The following CLSTN2 variants were observed in gnomAD, a reference collection of about 807,000 sequenced individuals.
CLSTN2 encodes the protein calsyntenin-2.
Under a neutral mutation model 101.2 loss-of-function variants are expected in CLSTN2, and 48 were observed. The observed-to-expected ratio is 0.47, with a 90% CI of 0.38 to 0.60. The LOEUF (loss-of-function observed/expected upper bound fraction) is 0.60, where lower values mean the gene tolerates loss of function less well. Ranked by LOEUF, CLSTN2 falls within the 20% of genes least tolerant of loss-of-function variation. The probability of loss-of-function intolerance (pLI) is 0.00; values close to 1 mark genes in which losing one functional copy is unlikely to be tolerated. For missense variants in CLSTN2, 1,160 were observed against 1,238.2 expected (o/e 0.94, Z 0.95); for synonymous variants, 481 against 463.6 (o/e 1.04, Z -0.48).
At chr3:139,941,623 G>A (rs1212828028) in intron 1 of CLSTN2, among the ~76,000 whole-genome samples, 1 of 152,164 alleles carries the variant, frequency 6.6e-6, no homozygotes, top group Non-Finnish European at 1.5e-5. Flanking sequence ...GGCAACAATA[G>A]AGGTCAGGAA....
intron 8 of CLSTN2, among the ~76,000 whole-genome samples, chr3:140,487,618 A>G (rs1267358575): frequency 6.6e-6 from 1 of 152,214 alleles, no homozygotes; most frequent in African/African-American, 2.4e-5. Context: ...GTAATTTCTT[A>G]TGTGTTCATG....
chr3:140,064,439 G>A (rs1354336552), intron 1 of CLSTN2, among the ~76,000 whole-genome samples: 3 of 152,126 alleles, frequency 2.0e-5, no homozygotes, highest in African/African-American at 7.2e-5. Flanking sequence ...TTTAGCACTT[G>A]TAATTAAAAT....
chr3:140,228,346 AG>A (rs2086341313), intron 2 of CLSTN2, among the ~76,000 whole-genome samples: 2 of 152,206 alleles, frequency 1.3e-5, no homozygotes, highest in Admixed American at 1.3e-4. Context: ...CCTTTGCTCT[AG>A]TTCCCTAAAA....
chr3:140,068,292 A>G (rs1354812984), intron 1 of CLSTN2, among the ~76,000 whole-genome samples: 1 of 152,232 alleles, frequency 6.6e-6, no homozygotes, highest in African/African-American at 2.4e-5. Flanking sequence ...CCACAAATCT[A>G]GACAATTCAT....
chr3:140,107,012 A>T (rs2009070393), intron 1 of CLSTN2, among the ~76,000 whole-genome samples: 1 of 152,210 alleles, frequency 6.6e-6, no homozygotes, highest in Non-Finnish European at 1.5e-5. Flanking sequence ...ATGCAATTTC[A>T]CTACTGTCTG....
At chr3:140,542,413 G>T (rs894005191) in intron 9 of CLSTN2, among the ~76,000 whole-genome samples, 2 of 152,130 alleles carry the variant, frequency 1.3e-5, no homozygotes, top group Non-Finnish European at 2.9e-5. Flanking sequence ...AAACATTTAA[G>T]GAAGATTCTT....
intron 1 of CLSTN2, among the ~76,000 whole-genome samples, chr3:140,163,127 C>T (rs1559794789): frequency 6.6e-6 from 1 of 152,134 alleles, no homozygotes; most frequent in Non-Finnish European, 1.5e-5. Context: ...GTTATTTAAT[C>T]AAACACTAGT....
At chr3:140,259,956 C>T (rs1011330508) in intron 2 of CLSTN2, among the ~76,000 whole-genome samples, 4 of 151,550 alleles carry the variant, frequency 2.6e-5, no homozygotes, top group Admixed American at 6.6e-5. Flanking sequence ...CAGTAGACAC[C>T]AGGAGCCTAC....
chr3:140,300,573 G>A (rs1193544591), intron 2 of CLSTN2, among the ~76,000 whole-genome samples: 1 of 152,084 alleles, frequency 6.6e-6, no homozygotes, highest in Admixed American at 6.5e-5. Flanking sequence ...TGGGGTCAGG[G>A]GCTCTGAGGT....
At chr3:140,365,158 G>A (rs1379010891) in intron 2 of CLSTN2, among the ~76,000 whole-genome samples, 1 of 152,138 alleles carries the variant, frequency 6.6e-6, no homozygotes, top group Non-Finnish European at 1.5e-5. Context: ...GCAAGGACTA[G>A]GCTAGGGAGA....
At chr3:140,138,960 T>C (rs984338082) in intron 1 of CLSTN2, among the ~76,000 whole-genome samples, 1 of 152,228 alleles carries the variant, frequency 6.6e-6, no homozygotes, top group Admixed American at 6.5e-5. Context: ...AAGATCCAGG[T>C]CCAACTCCAG....
intron 2 of CLSTN2, among the ~76,000 whole-genome samples, chr3:140,351,154 T>A (rs2087601346): frequency 6.6e-6 from 1 of 152,162 alleles, no homozygotes; most frequent in Non-Finnish European, 1.5e-5. Context: ...TTAAAGTGGA[T>A]GCAAGAGCTT....
intron 2 of CLSTN2, among the ~76,000 whole-genome samples, chr3:140,339,794 G>A (rs2087474507): frequency 1.3e-5 from 2 of 152,334 alleles, no homozygotes; most frequent in Admixed American, 1.3e-4. Context: ...TATAGTGGCC[G>A]AACTGTGCTT....
intron 1 of CLSTN2, among the ~76,000 whole-genome samples, chr3:139,972,211 C>G (rs547333528): frequency 1.0e-3 from 154 of 152,124 alleles, no homozygotes; most frequent in African/African-American, 3.5e-3. Context: ...TTGCAGTGAG[C>G]CAAGATCGCA....
chr3:140,348,606 C>A lies in CLSTN2; in HGVS notation c.233-55023C>A, dbSNP rs1042731293. On this transcript the variant is annotated intron_variant, in intron 2 of 16. Coordinates refer to ENST00000458420, the MANE Select transcript of CLSTN2 (RefSeq NM_022131.3). ...TTAGGGAATTATTTTAAAATCTATC[C>A]AAGGACTGAAAGATTTTCCCCAATT... is the stretch of plus-strand genomic sequence containing the variant. 8.5e-5 allele frequency among the ~76,000 whole-genome samples: 13 copies of A among 152,262 alleles called. No homozygotes were observed. In the South Asian group the frequency reaches 2.7e-3, roughly 32 times the overall value.
chr3:140,466,871 C>A, intron 8 of CLSTN2, 140 bp downstream of exon 8: 1 of 1,095,934 alleles, frequency 9.1e-7, no homozygotes, highest in Non-Finnish European at 1.3e-6. Flanking sequence ...TAGGGAGACA[C>A]ACAGCATCTT....
chr3:140,371,136 T>G (rs2107957475), intron 2 of CLSTN2, among the ~76,000 whole-genome samples: 1 of 152,338 alleles, frequency 6.6e-6, no homozygotes, highest in South Asian at 2.1e-4. Context: ...CCCCTGGTAC[T>G]GAAGCTGCTA....
intron 2 of CLSTN2, among the ~76,000 whole-genome samples, chr3:140,400,554 TG>T (rs1172908272): frequency 2.0e-5 from 3 of 152,008 alleles, no homozygotes; most frequent in African/African-American, 7.3e-5. Flanking sequence ...AAAACTTAGC[TG>T]GTTGTTGGTG....
chr3:140,382,359 C>T (rs1160071373), intron 2 of CLSTN2, among the ~76,000 whole-genome samples: 1 of 152,174 alleles, frequency 6.6e-6, no homozygotes, highest in East Asian at 1.9e-4. Context: ...TGTGAATATC[C>T]TGTGAAGGGA....
Sources: gnomAD v4.1 joint callset for allele counts (sites outside exome capture counted in the v4.1 genomes callset) on GRCh38, gnomAD v4.1.1 for gene constraint, MANE v1.5 for transcripts, NCBI Gene and HGNC (gene_info 2026-07-23, HGNC 2026-07-21) for gene names.